PLCG2: variants seen among roughly 807,000 people sequenced by gnomAD.
PLCG2 encodes 1-phosphatidylinositol 4,5-bisphosphate phosphodiesterase gamma-2.
PLCG2 carries 69 observed loss-of-function variants against 175.6 expected under a neutral mutation model. That is an observed-to-expected ratio of 0.39 (90% CI 0.32 to 0.48). The LOEUF (loss-of-function observed/expected upper bound fraction) is 0.48, where lower values mean the gene tolerates loss of function less well. Ranked by LOEUF, PLCG2 falls within the 20% of genes least tolerant of loss-of-function variation. PLCG2 has a pLI of 0.91. For synonymous variants in PLCG2, 827 were observed against 624.0 expected (o/e 1.33, Z -4.85); for missense variants, 1,798 against 1,650.9 (o/e 1.09, Z -1.54).
At chr16:81,829,863 T>TG (rs972172521) in intron 2 of PLCG2, among the ~76,000 whole-genome samples, 21 of 151,380 alleles carry the variant, frequency 1.4e-4, no homozygotes, top group African/African-American at 2.9e-4. Flanking sequence ...AACCTCTGAG[T>TG]GGGGGGGCGT....
At chr16:81,890,015 G>C (rs574780160) in intron 10 of PLCG2, among the ~76,000 whole-genome samples, 10 of 152,024 alleles carry the variant, frequency 6.6e-5, no homozygotes, top group Non-Finnish European at 1.2e-4. Context: ...CTGCTGATTG[G>C]TTGGAGATGC....
intron 20 of PLCG2, 111 bp from the exon 21 acceptor site, chr16:81,921,087 C>T: frequency 1.5e-6 from 1 of 646,774 alleles, no homozygotes; most frequent in South Asian, 1.9e-5. Context: ...GAGGTTTCAA[C>T]TCCTCTATCA....
chr16:81,861,457 A>G (rs1017427880), intron 5 of PLCG2, among the ~76,000 whole-genome samples: 3 of 152,176 alleles, frequency 2.0e-5, no homozygotes, highest in African/African-American at 7.2e-5. Flanking sequence ...GAAGTGGTTA[A>G]AAGTCTAGTA....
chr16:81,775,295 T>C (rs1910375131), upstream of PLCG2, among the ~76,000 whole-genome samples: 1 of 152,162 alleles, frequency 6.6e-6, no homozygotes, highest in South Asian at 2.1e-4. Flanking sequence ...TCTCTGTAGA[T>C]TTGCTAATTC....
intron 1 of PLCG2, among the ~76,000 whole-genome samples, chr16:81,744,345 A>G (rs952440479): frequency 2.0e-5 from 3 of 151,382 alleles, no homozygotes; most frequent in African/African-American, 7.3e-5. Context: ...TTGTATTTTT[A>G]GTAGAGACGG....
chr16:81,756,164 A>G (rs984185103), intron 2 of PLCG2, among the ~76,000 whole-genome samples: 1 of 152,248 alleles, frequency 6.6e-6, no homozygotes, highest in African/African-American at 2.4e-5. Flanking sequence ...GCAAGATCAA[A>G]TAGGGCTGCT....
chr16:81,924,394 T>G (rs185950474), intron 22 of PLCG2, among the ~76,000 whole-genome samples: 1 of 152,388 alleles, frequency 6.6e-6, no homozygotes, highest in Non-Finnish European at 1.5e-5. Context: ...AAGCACTGTT[T>G]TAAGCACGTT....
At chr16:81,805,418 T>G (rs148915052) in intron 2 of PLCG2, among the ~76,000 whole-genome samples, 133 of 147,336 alleles carry the variant, frequency 9.0e-4, no homozygotes, top group Middle Eastern at 3.5e-3. Flanking sequence ...AGAATGGCGT[T>G]AACCCAGGAG....
At chr16:81,818,181 G>A (rs1373089127) in intron 2 of PLCG2, among the ~76,000 whole-genome samples, 3 of 152,118 alleles carry the variant, frequency 2.0e-5, no homozygotes, top group East Asian at 3.8e-4. Flanking sequence ...GGATTGCTTC[G>A]GCCCTCTGTG....
upstream of PLCG2, among the ~76,000 whole-genome samples, chr16:81,777,357 A>G (rs1436474156): frequency 6.6e-6 from 1 of 151,980 alleles, no homozygotes; most frequent in Non-Finnish European, 1.5e-5. Flanking sequence ...GACTGAACTA[A>G]TATATTATGT....
intron 2 of PLCG2, among the ~76,000 whole-genome samples, chr16:81,806,520 A>T (rs75826294): frequency 0.18 from 27,544 of 151,828 alleles, 2,809 homozygotes; most frequent in Non-Finnish European, 0.24. Context: ...GTTGCTTTTG[A>T]CCCAGGCAGC....
intron 1 of PLCG2, among the ~76,000 whole-genome samples, chr16:81,752,708 C>A (rs1408001574): frequency 6.6e-6 from 1 of 152,236 alleles, no homozygotes; most frequent in African/African-American, 2.4e-5. Flanking sequence ...CCATGAAGGA[C>A]GTGACTGTAG....
At chr16:81,859,088 CT>C in intron 4 of PLCG2, 27 bp from the exon 5 acceptor site, 1 of 1,443,784 alleles carries the variant, frequency 6.9e-7, no homozygotes, top group African/African-American at 1.4e-5. Context: ...CTCTTTCTCT[CT>C]TTCTTTTGTC....
At chr16:81,882,535 G>A (rs1197315257) in intron 8 of PLCG2, among the ~76,000 whole-genome samples, 1 of 152,028 alleles carries the variant, frequency 6.6e-6, no homozygotes, top group Non-Finnish European at 1.5e-5. Context: ...CGGGTGGTGT[G>A]TCGAGCCCTG....
At chr16:81,769,806 C>T (rs1230397587) in intron 2 of PLCG2, among the ~76,000 whole-genome samples, 5 of 111,792 alleles carry the variant, frequency 4.5e-5, no homozygotes, top group Admixed American at 4.3e-4. Context: ...GGCGACAGAG[C>T]GAGACTCCGT....
rs530156886 is a variant in PLCG2 at position 81,937,740 on chromosome 16, G to A, written c.3053-18G>A. 1.4e-5 allele frequency: 23 copies of A among 1,610,628 alleles called. No individual in the cohort carries two copies. The highest frequency in any genetic ancestry group is 4.4e-5 in the South Asian group (4 of 90,742). On this transcript the variant is annotated intron_variant, in intron 27 of 32. Coordinates refer to ENST00000564138, the MANE Select transcript of PLCG2 (RefSeq NM_002661.5). ...TGCTCATGCCTGACTTACAGCAGGCGTTCACTTTCCTTCCCAGATAAGTAC... is the reference window on the plus strand; with the variant it reads ...TGCTCATGCCTGACTTACAGCAGGCATTCACTTTCCTTCCCAGATAAGTAC...
In PLCG2 at chr16:81,870,921, G is replaced by C. The variant is rs1285578963; in HGVS notation, c.634G>C (p.Glu212Gln). The change falls in exon 7 of 33, where the codon GAA becomes CAA. Residue 212 changes from glutamate to glutamine, a missense_variant. Glu to Gln is a conservative substitution (Grantham distance 29). Coordinates refer to ENST00000564138, the MANE Select transcript of PLCG2 (RefSeq NM_002661.5). ...TCTCTTCTATAAAAAACTTATGTTT[G>C]AACAGCAAAAATCGGTAAGATGATT... Reference protein sequence around the residue: ...FHLFYKKLMFEQQKSILDEFK... With the variant: ...FHLFYKKLMFQQQKSILDEFK... 1 of 1,580,232 alleles carries C rather than the reference G, an allele frequency of 6.3e-7. No individual in the cohort carries two copies. The highest frequency in any genetic ancestry group is 8.7e-7 in the Non-Finnish European group (1 of 1,154,822).
chr16:81,847,130 T>A (rs1379643555), intron 2 of PLCG2, among the ~76,000 whole-genome samples: 2 of 152,212 alleles, frequency 1.3e-5, no homozygotes, highest in African/African-American at 4.8e-5. Context: ...TCCTTGGATT[T>A]GATTAATTTG....
Position 81,900,747 on chromosome 16 carries a change from G to A in PLCG2, c.1329G>A (p.Ser443=), listed in dbSNP as rs369281824. The change falls in exon 14 of 33, where the codon TCG becomes TCA. Residue 443 remains serine (S), a synonymous_variant. Transcript: ENST00000564138. The part of the protein sequence containing the change: ...PTEASADQLP[S]PSQLREKIII... ...AGGCCAGTGCTGACCAGCTGCCCTC[G>A]CCCAGCCAGCTGCGGGAGAAGATCA... 118 of 1,604,476 alleles carry A rather than the reference G, an allele frequency of 7.4e-5. 1 individual carries two copies. The highest frequency in any genetic ancestry group is 9.3e-5 in the Non-Finnish European group (109 of 1,172,094).
Sources: gnomAD v4.1 joint callset for allele counts (sites outside exome capture counted in the v4.1 genomes callset) on GRCh38, gnomAD v4.1.1 for gene constraint, MANE v1.5 for transcripts, NCBI Gene and HGNC (gene_info 2026-07-23, HGNC 2026-07-21) for gene names.